The following PABPN1 variants were observed in gnomAD, a reference collection of about 807,000 sequenced individuals.
PABPN1 encodes the protein poly(A) binding protein nuclear 1.
Under a neutral mutation model 33.4 loss-of-function variants are expected in PABPN1, and 5 were observed. The ratio of observed to expected loss-of-function variants is 0.15; its 90% CI spans 0.08 to 0.32. The LOEUF is 0.32. Among genes scored for constraint, PABPN1 ranks in the 10% least tolerant of loss-of-function variants. PABPN1 has a pLI of 1.00. For missense variants in PABPN1, 312 were observed against 425.8 expected (o/e 0.73, Z 2.35); for synonymous variants, 176 against 170.6 (o/e 1.03, Z -0.25).
rs368481156 is a variant in PABPN1 at position 23,322,741 on chromosome 14, A to G, written c.467-258A>G. ...AGCATTTCAACCAAAGCCATTCATTAGGGATTTGATTTGGAGGCAGGAGGG... is the reference window on the plus strand; with the variant it reads ...AGCATTTCAACCAAAGCCATTCATTGGGGATTTGATTTGGAGGCAGGAGGG... On this transcript the variant is annotated intron_variant, in intron 2 of 6. Transcript: ENST00000216727. The G allele has an allele frequency of 9.4e-6, 5 of 532,596 alleles. No homozygotes were observed. The African/African-American group carries it at 9.5e-5, about 10-fold the overall frequency. 33.0% of individuals were successfully genotyped at this position (532,596 alleles called of 1,614,324 possible). A position where few individuals can be genotyped will look rare whatever the true frequency, so the allele number is the denominator to read the frequency against.
rs1003005467 is a variant in PABPN1 at position 23,322,028 on chromosome 14, C to A, written c.352-153C>A. The A allele has an allele frequency of 3.3e-5, 29 of 890,084 alleles. No individual in the cohort carries two copies. The African/African-American group carries it at 4.5e-4, about 14-fold the overall frequency. 55.1% of individuals were successfully genotyped at this position (890,084 alleles called of 1,614,324 possible). The stretch of plus-strand genomic sequence containing the variant: ...GGCGTCACGGTTGCCTAGTGTTGTT[C>A]TAGAGAGGGTAGCTTTTCTTTTATC... On this transcript the variant is annotated intron_variant, in intron 1 of 6. Transcript: ENST00000216727.
Position 23,325,235 on chromosome 14 carries a change from T to C in PABPN1, c.882-12T>C, listed in dbSNP as rs949517817. The C allele has an allele frequency of 6.2e-6, 10 of 1,612,952 alleles. No homozygotes were observed. The highest frequency in any genetic ancestry group is 7.6e-6 in the Non-Finnish European group (9 of 1,179,794). On this transcript the variant is annotated splice_polypyrimidine_tract_variant and intron_variant, in intron 6 of 6. Coordinates refer to ENST00000216727, the MANE Select transcript of PABPN1 (RefSeq NM_004643.4). ...GATCACGTTAACACCTAACTCTCCT[T>C]CTTTCTTCCAGGGGCCGGGCTAGAG...
At chr14:23,322,543 T>A in intron 2 of PABPN1, 1 of 536,618 alleles carries the variant, frequency 1.9e-6, no homozygotes, top group South Asian at 2.0e-5. Flanking sequence ...GTTCTTAGTC[T>A]ACGTCTATCT....
At chr14:23,323,875 T>C (rs113595666) in intron 4 of PABPN1, 90 bp from the exon 5 acceptor site, 23 of 1,292,382 alleles carry the variant, frequency 1.8e-5, no homozygotes, top group African/African-American at 1.0e-4. Flanking sequence ...TATAACTGCA[T>C]TGTAGCCCAA....
Position 23,325,349 on chromosome 14 carries a change from T to TAAAAAAAAAAAAAAAA in PABPN1, c.*77_*78insAAAAAAAAAAAAAAAA. 1 of 1,092,188 alleles carries TAAAAAAAAAAAAAAAA rather than the reference T, an allele frequency of 9.2e-7. No homozygotes were observed. The highest frequency in any genetic ancestry group is 1.2e-6 in the Non-Finnish European group (1 of 814,908). 67.7% of individuals were successfully genotyped at this position (1,092,188 alleles called of 1,614,324 possible). ...AGGAAAGAAGGAAAAAAAAAAGAAT[T>TAAAAAAAAAAAAAAAA]AAAAAAAAAAAAAAGAAAAACAGAA... On this transcript the variant is annotated 3_prime_UTR_variant, in exon 7 of 7. Coordinates refer to ENST00000216727, the MANE Select transcript of PABPN1 (RefSeq NM_004643.4).
rs755685041 is a variant in PABPN1 at position 23,321,834 on chromosome 14, G to A, written c.351+14G>A. 2.7e-5 allele frequency: 40 copies of A among 1,458,512 alleles called. No homozygotes were observed. The highest frequency in any genetic ancestry group is 5.1e-4 in the Middle Eastern group (2 of 3,930). The allele number at this position is 1,458,512 out of a possible 1,614,324, so 90.3% of individuals were successfully genotyped here. On this transcript the variant is annotated intron_variant, in intron 1 of 6. Transcript: ENST00000216727. ...ATTGAGGACCCGGTGAGGGAAGGAGGGCGAGCGAGCAGGCCGGCGGCTGGC... is the reference window on the plus strand; with the variant it reads ...ATTGAGGACCCGGTGAGGGAAGGAGAGCGAGCGAGCAGGCCGGCGGCTGGC...
intron 1 of PABPN1, 119 bp from the exon 2 acceptor site, chr14:23,322,062 C>T (rs1888341371): frequency 2.7e-6 from 3 of 1,098,568 alleles, no homozygotes; most frequent in Non-Finnish European, 4.1e-6. Flanking sequence ...TCACGACCCT[C>T]GCATGGGGCG....
At chr14:23,325,095 A>G (rs1187207884) in intron 6 of PABPN1, 152 bp from the exon 7 acceptor site, 6 of 1,015,236 alleles carry the variant, frequency 5.9e-6, no homozygotes, top group South Asian at 2.0e-5. Context: ...GTGCGTTACT[A>G]TTTCTGGGAT....
rs760588069 is a variant in PABPN1, at chr14:23,322,178, T to C, written c.352-3T>C. The C allele has an allele frequency of 6.2e-7, 1 of 1,602,598 alleles. No individual in the cohort carries two copies. Among genetic ancestry groups the C allele is most frequent in the East Asian group, 2.2e-5 (1 of 44,606 alleles). On this transcript the variant is annotated splice_region_variant and splice_polypyrimidine_tract_variant and intron_variant, in intron 1 of 6. Coordinates refer to ENST00000216727, the MANE Select transcript of PABPN1 (RefSeq NM_004643.4). The stretch of plus-strand genomic sequence containing the variant: ...TCCTCCATACCCTCCCCACTTATAT[T>C]AGGAGCTGGAAGCTATCAAAGCTCG...
Position 23,321,950 on chromosome 14 carries a change from C to G in PABPN1, c.351+130C>G, listed in dbSNP as rs955759967. The G allele has an allele frequency of 2.1e-5, 16 of 772,456 alleles. No individual in the cohort carries two copies. The East Asian group carries it at 4.4e-4, about 21-fold the overall frequency. The allele number at this position is 772,456 out of a possible 1,614,324, so 47.9% of individuals were successfully genotyped here. Reference sequence around the variant, plus strand: ...GGGAATAACGTGGCTGGGGCCGGGTCGGGCCGGGGATGGGTCAGCGATCAC... The same window carrying G: ...GGGAATAACGTGGCTGGGGCCGGGTGGGGCCGGGGATGGGTCAGCGATCAC... On this transcript the variant is annotated intron_variant, in intron 1 of 6. Coordinates refer to ENST00000216727, the MANE Select transcript of PABPN1 (RefSeq NM_004643.4).
rs1410110519 is a variant in PABPN1, at chr14:23,321,856, T to C, written c.351+36T>C. The C allele has an allele frequency of 5.1e-6, 6 of 1,172,058 alleles. No homozygotes were observed. In the Admixed American group the frequency reaches 1.1e-4, roughly 22 times the overall value. The allele number at this position is 1,172,058 out of a possible 1,614,324, so 72.6% of individuals were successfully genotyped here. On this transcript the variant is annotated intron_variant, in intron 1 of 6. Transcript: ENST00000216727. ...GAGGGCGAGCGAGCAGGCCGGCGGC[T>C]GGCCGGCCGGGTCACTGGAGGCCCA...
At chr14:23,322,381 C>A in intron 2 of PABPN1, 86 bp downstream of exon 2, 2 of 1,190,682 alleles carry the variant, frequency 1.7e-6, no homozygotes, top group Non-Finnish European at 2.4e-6. Flanking sequence ...GTTAGATACT[C>A]GGCACCCTGG....
At chr14:23,324,551 T>C (rs1264820706) in intron 6 of PABPN1, 2 of 589,530 alleles carry the variant, frequency 3.4e-6, no homozygotes, top group South Asian at 2.1e-5. Flanking sequence ...GCCTTTTTTT[T>C]CTTGGGAGTT....
chr14:23,324,505 CA>C, intron 6 of PABPN1: 1 of 635,006 alleles, frequency 1.6e-6, no homozygotes, highest in African/African-American at 1.8e-5. Context: ...ATAAGGGCTG[CA>C]TCCCTCCCTT....
In PABPN1 at chr14:23,323,953, A is replaced by C. The variant is rs766681761; in HGVS notation, c.642-12A>C. On this transcript the variant is annotated splice_polypyrimidine_tract_variant and intron_variant, in intron 4 of 6. Transcript: ENST00000216727. The stretch of plus-strand genomic sequence containing the variant: ...TGTAACCTCAGAGAGATACAATGAC[A>C]ATTCTTTTCAGGTTTGCGTATATAG... 5 of 1,613,996 alleles carry C rather than the reference A, an allele frequency of 3.1e-6. No homozygotes were observed. In the South Asian group the frequency reaches 5.5e-5, roughly 18 times the overall value.
intron 4 of PABPN1, 117 bp downstream of exon 4, chr14:23,323,600 A>G (rs1888496941): frequency 7.0e-6 from 7 of 998,426 alleles, no homozygotes; most frequent in East Asian, 2.5e-5. Flanking sequence ...GTGTCATTTA[A>G]GATCATGGCA....
rs531646284 is a variant in PABPN1, at chr14:23,324,975, A to T, written c.882-272A>T. ...AGCTGTGGAGGACTGAAAACTGGAT[A>T]AAAAGGGGGTCCTTTTCCTTGCCCC... On this transcript the variant is annotated intron_variant, in intron 6 of 6. Coordinates refer to ENST00000216727, the MANE Select transcript of PABPN1 (RefSeq NM_004643.4). 2.1e-5 allele frequency: 9 copies of T among 437,190 alleles called. No individual in the cohort carries two copies. The East Asian group carries it at 2.9e-4, about 14-fold the overall frequency. 27.1% of individuals were successfully genotyped at this position (437,190 alleles called of 1,614,324 possible).
rs753190394 is a variant in PABPN1, at chr14:23,323,092, T to C, written c.534+26T>C. 6.2e-6 allele frequency: 10 copies of C among 1,613,396 alleles called. No individual in the cohort carries two copies. In the African/African-American group the frequency reaches 6.7e-5, roughly 11 times the overall value. On this transcript the variant is annotated intron_variant, in intron 3 of 6. Transcript: ENST00000216727. ...GTACGTACTGGGGCTCTGACTGGGG[T>C]TGGGGGCAAGTTCTTCTTTTGGGGA...
At position 23,325,243 on chromosome 14, in the gene PABPN1, C is replaced by G; in HGVS notation, c.882-4C>G. 6.2e-7 allele frequency: 1 copy of G among 1,612,890 alleles called. No homozygotes were observed. Among genetic ancestry groups the G allele is most frequent in the East Asian group, 2.2e-5 (1 of 44,822 alleles). ...TAACACCTAACTCTCCTTCTTTCTT[C>G]CAGGGGCCGGGCTAGAGCGACATCA... On this transcript the variant is annotated splice_region_variant and splice_polypyrimidine_tract_variant and intron_variant, in intron 6 of 6. Transcript: ENST00000216727.
Sources: gnomAD v4.1 joint callset for allele counts on GRCh38, gnomAD v4.1.1 for gene constraint, MANE v1.5 for transcripts, NCBI Gene and HGNC (gene_info 2026-07-23, HGNC 2026-07-21) for gene names.